Variants in DPYSL2 observed in about 807,000 individuals in gnomAD.
DPYSL2 encodes the protein dihydropyrimidinase like 2.
A neutral mutation model predicts 69.9 loss-of-function variants in DPYSL2; 13 were observed. That is an observed-to-expected ratio of 0.19 (90% confidence interval 0.12 to 0.30). The LOEUF is 0.30. Among genes scored for constraint, DPYSL2 ranks in the 10% least tolerant of loss-of-function variants. DPYSL2 has a pLI of 1.00. For missense variants in DPYSL2, 587 were observed against 918.9 expected (o/e 0.64, Z 4.67); for synonymous variants, 326 against 359.1 (o/e 0.91, Z 1.04).
intron 1 of DPYSL2, among the ~76,000 whole-genome samples, chr8:26,575,788 C>T (rs969422624): frequency 1.3e-5 from 2 of 152,144 alleles, no homozygotes; most frequent in African/African-American, 2.4e-5. Flanking sequence ...AGAATACAAA[C>T]AATATAATTA....
chr8:26,655,820 A>G lies in DPYSL2; in HGVS notation c.*114A>G, dbSNP rs1333748809. The G allele has an allele frequency of 9.8e-7, 1 of 1,024,488 alleles. No individual in the cohort carries two copies. Among genetic ancestry groups the G allele is most frequent in the African/African-American group, 1.7e-5 (1 of 58,332 alleles). 63.5% of individuals were successfully genotyped at this position (1,024,488 alleles called of 1,614,324 possible). On this transcript the variant is annotated 3_prime_UTR_variant, in exon 14 of 14. Transcript: ENST00000521913. ...TTGTTTTTTTTTTTAAGAGCCTGTG[A>G]TAGTTACTGTGGAGCAGCCAGTTCA... is the stretch of plus-strand genomic sequence containing the variant.
intron 1 of DPYSL2, among the ~76,000 whole-genome samples, chr8:26,530,341 C>G (rs985216808): frequency 6.6e-6 from 1 of 152,142 alleles, no homozygotes; most frequent in Non-Finnish European, 1.5e-5. Context: ...GCTGTCTTAG[C>G]TTCATCACAG....
rs754322273 is a variant in DPYSL2 at position 26,652,434 on chromosome 8, A to G, written c.1774A>G (p.Arg592Gly). 6.2e-7 allele frequency: 1 copy of G among 1,605,540 alleles called. No individual in the cohort carries two copies. The highest frequency in any genetic ancestry group is 1.1e-5 in the South Asian group (1 of 89,608). Residue 592 changes from arginine (R) to glycine (G), a missense_variant and splice_region_variant, in exon 12 of 14, where the codon AGG (arginine) becomes GGG (glycine). Physicochemically the swap from Arg to Gly is moderately radical, Grantham distance 125. This residue lies in a region of DPYSL2 where 452 missense variants were observed against 754.3 expected (regional missense o/e 0.60). Coordinates refer to ENST00000521913, the MANE Select transcript of DPYSL2 (RefSeq NM_001197293.3). The surrounding 1 kb of genome is among the most constrained non-coding windows in gnomAD (Gnocchi z 6.3). ...TTACAAGCGTATCAAGGCAAGGAGC[A>G]GGGTGAGTAGTTTTGTTCTGATGAA... ...FVYKRIKARS[R>G]LAELRGVPRG...
intron 3 of DPYSL2, among the ~76,000 whole-genome samples, chr8:26,600,939 G>C (rs998579871): frequency 4.6e-5 from 7 of 152,176 alleles, no homozygotes; most frequent in African/African-American, 1.7e-4. Context: ...GTTCCATGCT[G>C]GGGAGGGAAC....
At chr8:26,526,191 T>C (rs1384307322) in intron 1 of DPYSL2, among the ~76,000 whole-genome samples, 1 of 152,016 alleles carries the variant, frequency 6.6e-6, no homozygotes, top group Non-Finnish European at 1.5e-5. Flanking sequence ...GCCTCCTGGG[T>C]TCAAGCGATT....
At chr8:26,628,019 C>A in intron 7 of DPYSL2, 79 bp downstream of exon 7, 1 of 1,442,130 alleles carries the variant, frequency 6.9e-7, no homozygotes, top group South Asian at 1.2e-5. Context: ...TGCTTCCTGC[C>A]TGTTGAGAAG....
At chr8:26,655,519 A>C in intron 13 of DPYSL2, 96 bp from the exon 14 acceptor site, 3 of 1,118,848 alleles carry the variant, frequency 2.7e-6, no homozygotes, top group Non-Finnish European at 3.8e-6. Context: ...TGCGACTAGC[A>C]CTTTTCCTCC....
In DPYSL2 at chr8:26,626,759, A is replaced by C; in HGVS notation, c.855+81A>C. ...TGGCCGTTTGGGAAAGCAGTCTCCG[A>C]TGTATGCATGTTTCCTAGCTTCCTG... On this transcript the variant is annotated intron_variant, in intron 5 of 13. Coordinates refer to ENST00000521913, the MANE Select transcript of DPYSL2 (RefSeq NM_001197293.3). The surrounding 1 kb of genome is among the most constrained non-coding windows in gnomAD (Gnocchi z 4.3). 7.2e-7 allele frequency: 1 copy of C among 1,395,554 alleles called. No individual in the cohort carries two copies. The highest frequency in any genetic ancestry group is 1.0e-6 in the Non-Finnish European group (1 of 991,456). 86.4% of individuals were successfully genotyped at this position (1,395,554 alleles called of 1,614,324 possible).
intron 8 of DPYSL2, chr8:26,637,980 G>T (rs114760210): frequency 6.6e-6 from 1 of 152,348 alleles, no homozygotes; most frequent in African/African-American, 2.4e-5. Context: ...CTGGACAAGG[G>T]TTTTCTGCTC....
chr8:26,649,308 C>A (rs1005884488), intron 11 of DPYSL2, among the ~76,000 whole-genome samples: 11 of 152,210 alleles, frequency 7.2e-5, no homozygotes, highest in African/African-American at 2.7e-4. Context: ...AAAATGCTTC[C>A]CCTCTCTTGC....
chr8:26,577,064 A>G (rs1023618375), intron 1 of DPYSL2: 6 of 425,050 alleles, frequency 1.4e-5, no homozygotes, highest in Admixed American at 2.6e-5. Context: ...CGGAAGGCAC[A>G]AAAGGATGTT....
chr8:26,540,602 T>C (rs1403605970), intron 1 of DPYSL2, among the ~76,000 whole-genome samples: 1 of 152,162 alleles, frequency 6.6e-6, no homozygotes, highest in Admixed American at 6.5e-5. Flanking sequence ...GTTGAACATA[T>C]TGTAAGTTGA....
chr8:26,560,466 G>A lies in DPYSL2; in HGVS notation c.355-21503G>A, dbSNP rs1043324694. On this transcript the variant is annotated intron_variant, in intron 1 of 13. Coordinates refer to ENST00000521913, the MANE Select transcript of DPYSL2 (RefSeq NM_001197293.3). The surrounding 1 kb of genome is among the most constrained non-coding windows in gnomAD (Gnocchi z 4.4). ...GGAAGGTCTGGACCTCCATTTACTC[G>A]ATGTTGAAGGCAGACATAAATGAGT... 1.3e-5 allele frequency among the ~76,000 whole-genome samples: 2 copies of A among 152,118 alleles called. No individual in the cohort carries two copies.
At position 26,650,319 on chromosome 8, in the gene DPYSL2, T is replaced by A. The variant is rs62493400; in HGVS notation, c.1597-1938T>A. ...GTCTCCATGGCCGAGGCTGCGCCCA[T>A]ACTCTACCCAGTAGGGCACAAGAGG... is the stretch of plus-strand genomic sequence containing the variant. On this transcript the variant is annotated intron_variant, in intron 11 of 13. Coordinates refer to ENST00000521913, the MANE Select transcript of DPYSL2 (RefSeq NM_001197293.3). The surrounding 1 kb of genome is among the most constrained non-coding windows in gnomAD (Gnocchi z 5.3). Among the ~76,000 whole-genome samples, 165 of 152,260 alleles carry A rather than the reference T, an allele frequency of 1.1e-3. No individual in the cohort carries two copies. Among genetic ancestry groups the A allele is most frequent in the Non-Finnish European group, 1.6e-3 (112 of 68,026 alleles).
At chr8:26,576,370 C>T (rs6983262) in intron 1 of DPYSL2, among the ~76,000 whole-genome samples, 17,274 of 151,912 alleles carry the variant, frequency 0.11, 1,087 homozygotes, top group African/African-American at 0.13. Context: ...TCTTTCTTCC[C>T]CCACCCCCCA....
At chr8:26,603,785 G>C (rs1268773530) in intron 3 of DPYSL2, among the ~76,000 whole-genome samples, 1 of 152,116 alleles carries the variant, frequency 6.6e-6, no homozygotes, top group African/African-American at 2.4e-5. Flanking sequence ...ATGGCCCCAA[G>C]TTCACCTATG....
intron 3 of DPYSL2, among the ~76,000 whole-genome samples, chr8:26,616,888 G>A (rs571541687): frequency 1.2e-4 from 18 of 152,046 alleles, no homozygotes; most frequent in Admixed American, 3.3e-4. Flanking sequence ...TCTATTCCAC[G>A]TGTGTAATCC....
chr8:26,532,556 A>G (rs1211528461), intron 1 of DPYSL2, among the ~76,000 whole-genome samples: 1 of 152,170 alleles, frequency 6.6e-6, no homozygotes, highest in Non-Finnish European at 1.5e-5. Flanking sequence ...CCTGACAACC[A>G]TTGATCTGCT....
In DPYSL2 at chr8:26,657,590, A is replaced by G. The variant is rs183817079; in HGVS notation, c.*1884A>G. 1 of 152,726 alleles carries G rather than the reference A, an allele frequency of 6.5e-6. No homozygotes were observed. The highest frequency in any genetic ancestry group is 2.4e-5 in the African/African-American group (1 of 41,560). 9.5% of individuals were successfully genotyped at this position (152,726 alleles called of 1,614,324 possible). A position where few individuals can be genotyped will look rare whatever the true frequency, so the allele number is the denominator to read the frequency against. ...GGTAAATTGCACTTTTAAAAAAATA[A>G]TTGGTTGACTTAATATATTTGCTTT... On this transcript the variant is annotated 3_prime_UTR_variant, in exon 14 of 14. Coordinates refer to ENST00000521913, the MANE Select transcript of DPYSL2 (RefSeq NM_001197293.3).
Sources: allele counts gnomAD v4.1 joint callset (sites outside exome capture counted in the v4.1 genomes callset), GRCh38; gene constraint gnomAD v4.1.1; regional missense constraint gnomAD v4.1.1; non-coding constraint Gnocchi (gnomAD v3.1); transcripts MANE v1.5; gene names NCBI Gene and HGNC (gene_info 2026-07-23, HGNC 2026-07-21).